The following CALCR variants were observed in gnomAD, a reference collection of about 807,000 sequenced individuals.
CALCR encodes calcitonin receptor.
A neutral mutation model predicts 59.5 loss-of-function variants in CALCR; 47 were observed. The ratio of observed to expected loss-of-function variants is 0.79; its 90% CI spans 0.63 to 1.01. The LOEUF (loss-of-function observed/expected upper bound fraction) is 1.01, where lower values mean the gene tolerates loss of function less well. CALCR is among the 50% of genes least tolerant of loss of function. The probability of loss-of-function intolerance (pLI) is 0.00; values close to 1 mark genes in which losing one functional copy is unlikely to be tolerated. For missense variants in CALCR, 566 were observed against 597.1 expected (o/e 0.95, Z 0.54); for synonymous variants, 213 against 211.3 (o/e 1.01, Z -0.07).
intron 2 of CALCR, among the ~76,000 whole-genome samples, chr7:93,523,807 A>G (rs970061012): frequency 3.9e-5 from 6 of 152,096 alleles, no homozygotes; most frequent in Non-Finnish European, 7.4e-5. Flanking sequence ...ATATTTTTAT[A>G]TTATTCATTT....
Position 93,436,091 on chromosome 7 carries a change from A to G in CALCR, c.1010T>C (p.Met337Thr), listed in dbSNP as rs368300084. The change falls in exon 12 of 14, where the codon ATG (methionine) becomes ACG (threonine). Residue 337 changes from methionine (M) to threonine (T), a missense_variant. Transcript: ENST00000426151. ...GGTGGCCTTCACAGCCTTCAGGTACATGTGGGATTCCGCCTCATGGGTTTC... is the reference window on the plus strand; with the variant it reads ...GGTGGCCTTCACAGCCTTCAGGTACGTGTGGGATTCCGCCTCATGGGTTTC... ...MRETHEAESH[M>T]YLKAVKATMI... 2.5e-5 allele frequency: 41 copies of G among 1,614,052 alleles called. No homozygotes were observed. The highest frequency in any genetic ancestry group is 2.5e-4 in the South Asian group (23 of 91,090).
intron 13 of CALCR, among the ~76,000 whole-genome samples, chr7:93,428,987 C>T (rs1301424182): frequency 6.6e-6 from 1 of 152,132 alleles, no homozygotes; most frequent in South Asian, 2.1e-4. Flanking sequence ...TAAAATAACT[C>T]CCATAGAGTA....
intron 2 of CALCR, among the ~76,000 whole-genome samples, chr7:93,548,980 T>A (rs1034612117): frequency 1.3e-5 from 2 of 152,094 alleles, no homozygotes; most frequent in African/African-American, 4.8e-5. Context: ...ATGCTGTGAT[T>A]ATAAAAATTC....
At chr7:93,555,221 C>T (rs898887394) in intron 2 of CALCR, among the ~76,000 whole-genome samples, 4 of 151,988 alleles carry the variant, frequency 2.6e-5, no homozygotes, top group South Asian at 2.1e-4. Flanking sequence ...GAGAACTCCT[C>T]GGATGAATAA....
At chr7:93,427,748 C>CT (rs531185107) in intron 13 of CALCR, among the ~76,000 whole-genome samples, 7 of 150,956 alleles carry the variant, frequency 4.6e-5, no homozygotes, top group South Asian at 2.1e-4. Context: ...GGCAAATATA[C>CT]TTTTTTTTTC....
At chr7:93,465,936 A>T (rs1800432001) in intron 7 of CALCR, among the ~76,000 whole-genome samples, 1 of 134,684 alleles carries the variant, frequency 7.4e-6, no homozygotes, top group Non-Finnish European at 1.5e-5. Context: ...CAGGCCTCCT[A>T]GGAGGCCTGC....
At chr7:93,455,469 G>A (rs537279642) in intron 8 of CALCR, among the ~76,000 whole-genome samples, 48 of 151,544 alleles carry the variant, frequency 3.2e-4, no homozygotes, top group African/African-American at 1.2e-3. Context: ...TGGCTAGGGA[G>A]GACCTTAATC....
At chr7:93,536,363 T>C (rs1040392870) in intron 2 of CALCR, among the ~76,000 whole-genome samples, 1 of 151,780 alleles carries the variant, frequency 6.6e-6, no homozygotes, top group African/African-American at 2.4e-5. Flanking sequence ...GCCATTCACT[T>C]CTGTTTAAGA....
intron 2 of CALCR, among the ~76,000 whole-genome samples, chr7:93,520,525 G>A (rs1350977666): frequency 6.6e-6 from 1 of 151,926 alleles, no homozygotes; most frequent in East Asian, 1.9e-4. Context: ...ATTTTTATTT[G>A]TATAAGTAAA....
At chr7:93,479,961 T>A (rs1252714387) in intron 3 of CALCR, among the ~76,000 whole-genome samples, 3 of 151,930 alleles carry the variant, frequency 2.0e-5, no homozygotes, top group African/African-American at 4.8e-5. Context: ...TCAGCTAAAT[T>A]TTATTGGTGC....
At chr7:93,488,600 A>AAAAAAAAAAAC (rs1801002984) in intron 2 of CALCR, among the ~76,000 whole-genome samples, 2 of 149,698 alleles carry the variant, frequency 1.3e-5, no homozygotes, top group African/African-American at 2.4e-5. Flanking sequence ...AAAAAAAAAA[A>AAAAAAAAAAAC]AGCATGGGTT....
intron 2 of CALCR, among the ~76,000 whole-genome samples, chr7:93,529,909 G>GT (rs1427217200): frequency 6.6e-6 from 1 of 152,098 alleles, no homozygotes; most frequent in Non-Finnish European, 1.5e-5. Flanking sequence ...CATCCTCCCT[G>GT]TAATAGCAAA....
intron 2 of CALCR, among the ~76,000 whole-genome samples, chr7:93,555,208 C>T (rs1584628933): frequency 6.6e-6 from 1 of 152,196 alleles, no homozygotes; most frequent in Middle Eastern, 3.4e-3. Flanking sequence ...CTGCAGAGCA[C>T]TGGAGAACTC....
At chr7:93,511,070 C>CCTCTCTCTCTTTCTCT (rs1554403790) in intron 2 of CALCR, among the ~76,000 whole-genome samples, 2 of 148,222 alleles carry the variant, frequency 1.3e-5, no homozygotes, top group Non-Finnish European at 3.0e-5. Context: ...TGAAAAAAAC[C>CCTCTCTCTCTTTCTCT]CTCTCTCTCT....
At chr7:93,540,780 AT>A (rs1232611948) in intron 2 of CALCR, among the ~76,000 whole-genome samples, 1 of 60,804 alleles carries the variant, frequency 1.6e-5, no homozygotes, top group African/African-American at 3.8e-5. Context: ...TATATATTAT[AT>A]TTTATATGTA....
rs184431066 is a variant in CALCR at position 93,571,548 on chromosome 7, T to C, written c.-27+2741A>G. 3.9e-5 allele frequency among the ~76,000 whole-genome samples: 6 copies of C among 152,012 alleles called. No individual in the cohort carries two copies. In the East Asian group the frequency reaches 9.7e-4, roughly 25 times the overall value. ...CCCAAATCACACAGATAGAAAGTTA[T>C]GGAATCAGAAGTCAAACTCAAGCAG... On this transcript the variant is annotated intron_variant, in intron 2 of 13. Coordinates refer to ENST00000426151, the MANE Select transcript of CALCR (RefSeq NM_001742.4).
intron 9 of CALCR, among the ~76,000 whole-genome samples, chr7:93,439,373 G>A (rs1367880056): frequency 1.3e-5 from 2 of 152,044 alleles, no homozygotes; most frequent in African/African-American, 2.4e-5. Flanking sequence ...TTTCCCACTT[G>A]GGCTCAGAAA....
chr7:93,443,561 A>G, intron 9 of CALCR, 43 bp downstream of exon 9: 1 of 1,581,848 alleles, frequency 6.3e-7, no homozygotes, highest in Non-Finnish European at 8.7e-7. Context: ...GCATACAGAC[A>G]GAGGTGAAAG....
intron 3 of CALCR, among the ~76,000 whole-genome samples, chr7:93,480,407 A>G (rs1405250038): frequency 1.3e-5 from 2 of 151,928 alleles, no homozygotes; most frequent in Non-Finnish European, 2.9e-5. Flanking sequence ...AGGAGACCTA[A>G]AAACATCAGC....
Sources: gnomAD v4.1 joint callset for allele counts (sites outside exome capture counted in the v4.1 genomes callset) on GRCh38, gnomAD v4.1.1 for gene constraint, MANE v1.5 for transcripts, NCBI Gene and HGNC (gene_info 2026-07-23, HGNC 2026-07-21) for gene names.